WDR45B: variants seen among roughly 807,000 people sequenced by gnomAD.
WDR45B encodes the protein WD repeat domain phosphoinositide-interacting protein 3.
In WDR45B, 20 loss-of-function variants were observed where a neutral mutation model predicts 44.6. That is an observed-to-expected ratio of 0.45 (90% CI 0.32 to 0.65). The LOEUF is 0.65. WDR45B is among the 30% of genes least tolerant of loss of function. The pLI, the probability that WDR45B is intolerant of heterozygous loss-of-function variation, is 0.05. For missense variants in WDR45B, 323 were observed against 430.2 expected (o/e 0.75, Z 2.20); for synonymous variants, 169 against 164.9 (o/e 1.02, Z -0.19).
intron 2 of WDR45B, among the ~76,000 whole-genome samples, chr17:82,637,977 C>G (rs1309681569): frequency 2.0e-5 from 3 of 151,000 alleles, no homozygotes; most frequent in Non-Finnish European, 1.5e-5. Flanking sequence ...AGTTCGAGAC[C>G]AGCCTGGTCA....
At position 82,627,195 on chromosome 17, in the gene WDR45B, C is replaced by CA; in HGVS notation, c.332+8dup. The stretch of plus-strand genomic sequence containing the variant: ...TACCACTTTAAAAAATTACTGACAC[C>CA]AAACCCACCTATCTCGCCGCAGCTT... On this transcript the variant is annotated intron_variant, in intron 4 of 9. Coordinates refer to ENST00000392325, the MANE Select transcript of WDR45B (RefSeq NM_019613.4). 6.2e-7 allele frequency: 1 copy of CA among 1,610,406 alleles called. No homozygotes were observed. The highest frequency in any genetic ancestry group is 2.2e-5 in the East Asian group (1 of 44,876).
At chr17:82,647,781 G>A (rs2045998666) in intron 1 of WDR45B, among the ~76,000 whole-genome samples, 1 of 152,010 alleles carries the variant, frequency 6.6e-6, no homozygotes. Context: ...CCCAAGCGAA[G>A]TCAGCTCAGC....
intron 6 of WDR45B, 135 bp from the exon 7 acceptor site, chr17:82,619,263 C>T: frequency 1.2e-6 from 1 of 832,768 alleles, no homozygotes; most frequent in East Asian, 2.7e-5. Flanking sequence ...TACTACTTAA[C>T]TTTCTCCTCC....
At chr17:82,623,422 C>T (rs993112002) in intron 5 of WDR45B, among the ~76,000 whole-genome samples, 2 of 145,994 alleles carry the variant, frequency 1.4e-5, no homozygotes, top group South Asian at 2.2e-4. Context: ...AAAAATGGGG[C>T]TGGGCGCGGT....
At chr17:82,616,419 C>T (rs1485960487) in intron 9 of WDR45B, 105 bp downstream of exon 9, 2 of 1,582,708 alleles carry the variant, frequency 1.3e-6, no homozygotes, top group Non-Finnish European at 1.7e-6. Context: ...GCCATCGGTG[C>T]CACAGCGCGG....
At chr17:82,633,647 T>C (rs1598272700) in intron 2 of WDR45B, among the ~76,000 whole-genome samples, 1 of 152,152 alleles carries the variant, frequency 6.6e-6, no homozygotes, top group East Asian at 1.9e-4. Flanking sequence ...GGCCAAGATA[T>C]GAAGCTATGG....
intron 2 of WDR45B, among the ~76,000 whole-genome samples, chr17:82,640,353 CTTTTTTT>C (rs1185316610): frequency 7.1e-6 from 1 of 140,228 alleles, no homozygotes; most frequent in Non-Finnish European, 1.6e-5. Flanking sequence ...GGATTTTTTT[CTTTTTTT>C]TTTTTTTTTA....
At chr17:82,646,217 G>A (rs1304642435) in intron 1 of WDR45B, among the ~76,000 whole-genome samples, 1 of 151,140 alleles carries the variant, frequency 6.6e-6, no homozygotes, top group African/African-American at 2.4e-5. Context: ...ACAGCCTGGC[G>A]CCGTGGCTCA....
chr17:82,621,663 C>T lies in WDR45B; in HGVS notation c.564G>A (p.Leu188=). 1 of 1,614,186 alleles carries T rather than the reference C, an allele frequency of 6.2e-7. No individual in the cohort carries two copies. The highest frequency in any genetic ancestry group is 8.5e-7 in the Non-Finnish European group (1 of 1,180,032). Residue 188 remains leucine, a synonymous_variant, in exon 6 of 10, where the codon CTG becomes CTA. Coordinates refer to ENST00000392325, the MANE Select transcript of WDR45B (RefSeq NM_019613.4). ...PVDIPAHEGV[L]SCIALNLQGT... is the part of the protein sequence containing the mutation. Reference sequence around the variant, plus strand: ...CCTGCAGGTTGAGTGCAATGCAGCTCAGGACACCCTCGTGTGCAGGAATGT... The same window carrying T: ...CCTGCAGGTTGAGTGCAATGCAGCTTAGGACACCCTCGTGTGCAGGAATGT...
Position 82,630,917 on chromosome 17 carries a change from G to A in WDR45B, c.244+4C>T, listed in dbSNP as rs2045759016. 4.3e-6 allele frequency: 7 copies of A among 1,611,294 alleles called. No individual in the cohort carries two copies. The highest frequency in any genetic ancestry group is 1.7e-5 in the Admixed American group (1 of 59,974). ...CATGATTCTTCAATACACAATTACA[G>A]TACCTTTGTTGGGAGGGTATTTCGG... On this transcript the variant is annotated splice_donor_region_variant and intron_variant, in intron 3 of 9. Transcript: ENST00000392325.
intron 2 of WDR45B, among the ~76,000 whole-genome samples, chr17:82,633,190 G>A (rs927643936): frequency 7.3e-5 from 11 of 151,026 alleles, no homozygotes; most frequent in Admixed American, 7.3e-4. Flanking sequence ...AACCAGCACG[G>A]GCAATGTGCT....
intron 6 of WDR45B, 49 bp from the exon 7 acceptor site, chr17:82,619,177 CGTTA>C (rs1314530579): frequency 6.3e-7 from 1 of 1,584,214 alleles, no homozygotes; most frequent in Admixed American, 1.7e-5. Context: ...AAAACTTTTT[CGTTA>C]GTTTTTGAAA....
chr17:82,647,224 G>A (rs2045989942), intron 1 of WDR45B, among the ~76,000 whole-genome samples: 1 of 152,150 alleles, frequency 6.6e-6, no homozygotes, highest in South Asian at 2.1e-4. Flanking sequence ...GTCTCAAAAT[G>A]AAATAAATAA....
chr17:82,632,242 G>A (rs2045777588), intron 2 of WDR45B, among the ~76,000 whole-genome samples: 1 of 151,858 alleles, frequency 6.6e-6, no homozygotes, highest in African/African-American at 2.4e-5. Flanking sequence ...GCTCACTACA[G>A]CCTCAAACTC....
chr17:82,618,680 G>T (rs576156234), intron 7 of WDR45B, among the ~76,000 whole-genome samples: 1 of 152,048 alleles, frequency 6.6e-6, no homozygotes, highest in Non-Finnish European at 1.5e-5. Context: ...GCTGTAGTGA[G>T]CTGTGATAGC....
chr17:82,640,437 G>A (rs545793533), intron 2 of WDR45B, among the ~76,000 whole-genome samples: 5 of 150,086 alleles, frequency 3.3e-5, no homozygotes, highest in Admixed American at 1.3e-4. Context: ...TGCAACCTCC[G>A]ACTCCCTGGT....
intron 3 of WDR45B, chr17:82,629,478 G>A (rs991265829): frequency 3.0e-6 from 3 of 984,296 alleles, no homozygotes; most frequent in African/African-American, 3.5e-5. Flanking sequence ...CTGCCCCTCT[G>A]GGCTATGCTA....
At chr17:82,620,688 C>T (rs899814570) in intron 6 of WDR45B, among the ~76,000 whole-genome samples, 4 of 152,138 alleles carry the variant, frequency 2.6e-5, no homozygotes, top group African/African-American at 4.8e-5. Context: ...AAAGTAACAC[C>T]GGGTTTGCAG....
intron 8 of WDR45B, 47 bp downstream of exon 8, chr17:82,617,249 C>G (rs751623128): frequency 1.9e-6 from 3 of 1,560,852 alleles, no homozygotes; most frequent in African/African-American, 1.4e-5. Flanking sequence ...ACACTGGGGA[C>G]TCCTCTCATC....
Sources: allele counts gnomAD v4.1 joint callset (sites outside exome capture counted in the v4.1 genomes callset), GRCh38; gene constraint gnomAD v4.1.1; transcripts MANE v1.5; gene names NCBI Gene and HGNC (gene_info 2026-07-23, HGNC 2026-07-21).